Variants in GP5 observed in about 807,000 individuals in gnomAD.
The protein encoded by GP5 is glycoprotein V platelet.
For synonymous variants in GP5, 382 were observed against 353.9 expected, an observed-to-expected ratio of 1.08 and a Z score of -0.89; for missense variants, 755 against 737.1, an observed-to-expected ratio of 1.02 and a Z score of -0.28.
chr3:194,397,044 C>T lies in GP5; in HGVS notation c.1239G>A (p.Leu413=), dbSNP rs1714477585. The change falls in exon 2 of 2, where the codon CTG becomes CTA. Residue 413 remains leucine (L), a synonymous_variant. Coordinates refer to ENST00000692618, the MANE Select transcript of GP5 (RefSeq NM_004488.2). The surrounding 1 kb of genome is among the most constrained non-coding windows in gnomAD (Gnocchi z 7.2). ...AGTTGTGCCCCAACAGGACCTCCGT[C>T]AGCCGGGGCAGAGCCCCAAACACGT... ...PGDVFGALPR[L]TEVLLGHNSW... is the part of the protein sequence containing the mutation. 6.3e-7 allele frequency: 1 copy of T among 1,597,108 alleles called. No individual in the cohort carries two copies. The highest frequency in any genetic ancestry group is 1.3e-5 in the African/African-American group (1 of 74,880).
Position 194,397,110 on chromosome 3 carries a change from G to A in GP5, c.1173C>T (p.Ser391=). The A allele has an allele frequency of 6.3e-7, 1 of 1,591,440 alleles. No homozygotes were observed. Among genetic ancestry groups the A allele is most frequent in the Non-Finnish European group, 8.5e-7 (1 of 1,176,726 alleles). The change falls in exon 2 of 2, where the codon AGC becomes AGT. Residue 391 remains serine (S), a synonymous_variant. Coordinates refer to ENST00000692618, the MANE Select transcript of GP5 (RefSeq NM_004488.2). The surrounding 1 kb of genome is among the most constrained non-coding windows in gnomAD (Gnocchi z 7.2). ...ALFRNLSSLE[S]VQLDHNQLET... ...CCAGCTGGTTGTGGTCGAGCTGGAC[G>A]CTCTCCAGGCTGCTGAGATTGCGGA...
At chr3:194,399,168 C>T (rs933045135) in intron 1 of GP5, among the ~76,000 whole-genome samples, 70 bp downstream of exon 1, 2 of 152,204 alleles carry the variant, frequency 1.3e-5, no homozygotes, top group African/African-American at 4.8e-5. Context: ...TGCAATTTTA[C>T]TTCTCATGCA....
chr3:194,396,151 T>C lies in GP5; in HGVS notation c.*449A>G, dbSNP rs1039461893. 6.4e-6 allele frequency: 1 copy of C among 156,882 alleles called. No homozygotes were observed. Among genetic ancestry groups the C allele is most frequent in the Non-Finnish European group, 1.4e-5 (1 of 71,294 alleles). 9.7% of individuals were successfully genotyped at this position (156,882 alleles called of 1,614,324 possible). A position where few individuals can be genotyped will look rare whatever the true frequency, so the allele number is the denominator to read the frequency against. ...TATCCACGCATTGATTTCACAAACATTTACCGGCTTACTCTGTGCAGGAGA... is the reference window on the plus strand; with the variant it reads ...TATCCACGCATTGATTTCACAAACACTTACCGGCTTACTCTGTGCAGGAGA... On this transcript the variant is annotated 3_prime_UTR_variant, in exon 2 of 2. Transcript: ENST00000692618.
At chr3:194,399,141 A>G (rs559295767) in intron 1 of GP5, among the ~76,000 whole-genome samples, 97 bp downstream of exon 1, 8 of 152,358 alleles carry the variant, frequency 5.3e-5, no homozygotes, top group Admixed American at 2.6e-4. Flanking sequence ...GCGAAATTTT[A>G]CATAAATTGC....
In GP5 at chr3:194,395,657, T is replaced by C. The variant is rs1027877813; in HGVS notation, c.*943A>G. The C allele has an allele frequency of 5.9e-5, 9 of 152,228 alleles. No homozygotes were observed. Among genetic ancestry groups the C allele is most frequent in the African/African-American group, 2.2e-4 (9 of 41,430 alleles). The allele number at this position is 152,228 out of a possible 1,614,324, so 9.4% of individuals were successfully genotyped here. A position where few individuals can be genotyped will look rare whatever the true frequency, so the allele number is the denominator to read the frequency against. ...GTCCAGTGCTCTCCCAAGTAGCCCA[T>C]AGGTCAGAGAGACATAAAGTGAGAA... On this transcript the variant is annotated 3_prime_UTR_variant, in exon 2 of 2. Transcript: ENST00000692618.
At position 194,397,197 on chromosome 3, in the gene GP5, G is replaced by T; in HGVS notation, c.1086C>A (p.Leu362=). The T allele has an allele frequency of 6.4e-7, 1 of 1,570,820 alleles. No homozygotes were observed. ...GCAGGGACACCTGGCGCAGCTTGCCGAGGCCGCGCAGCAAGCCGTCGGGGA... is the reference window on the plus strand; with the variant it reads ...GCAGGGACACCTGGCGCAGCTTGCCTAGGCCGCGCAGCAAGCCGTCGGGGA... The part of the protein sequence containing the change: ...TALPDGLLRG[L]GKLRQVSLRR... Residue 362 remains leucine, a synonymous_variant, in exon 2 of 2, where the codon CTC becomes CTA. Transcript: ENST00000692618. The surrounding 1 kb of genome is among the most constrained non-coding windows in gnomAD (Gnocchi z 7.2).
At position 194,397,650 on chromosome 3, in the gene GP5, C is replaced by G. The variant is rs756816416; in HGVS notation, c.633G>C (p.Ser211=). The G allele has an allele frequency of 6.2e-6, 10 of 1,613,942 alleles. No homozygotes were observed. The African/African-American group carries it at 6.7e-5, about 11-fold the overall frequency. Residue 211 remains serine, a synonymous_variant, in exon 2 of 2, where the codon TCG becomes TCC. Coordinates refer to ENST00000692618, the MANE Select transcript of GP5 (RefSeq NM_004488.2). The surrounding 1 kb of genome is among the most constrained non-coding windows in gnomAD (Gnocchi z 7.2). ...LHSNRLVSLD[S]GLLNSLGALT... is the part of the protein sequence containing the mutation. ...GGGCGCCCAGGCTGTTCAACAGCCC[C>G]GAATCCAGAGACACAAGGCGGTTCG...
intron 1 of GP5, among the ~76,000 whole-genome samples, 59 bp downstream of exon 1, chr3:194,399,179 C>G (rs1714540644): frequency 6.6e-6 from 1 of 152,184 alleles, no homozygotes; most frequent in African/African-American, 2.4e-5. Context: ...TTCTCATGCA[C>G]ACACAGACTA....
At position 194,397,136 on chromosome 3, in the gene GP5, A is replaced by G. The variant is rs947593854; in HGVS notation, c.1147T>C (p.Phe383Leu). 1 of 1,588,638 alleles carries G rather than the reference A, an allele frequency of 6.3e-7. No homozygotes were observed. Among genetic ancestry groups the G allele is most frequent in the African/African-American group, 1.3e-5 (1 of 74,766 alleles). ...CTCTCCAGGCTGCTGAGATTGCGGA[A>G]GAGGGCACGGGGCAGGGCGCGCAGC... ...NRLRALPRALFRNLSSLESVQ... is the reference protein window; with the variant it reads ...NRLRALPRALLRNLSSLESVQ... Residue 383 changes from phenylalanine to leucine, a missense_variant, in exon 2 of 2, where the codon TTC becomes CTC. Coordinates refer to ENST00000692618, the MANE Select transcript of GP5 (RefSeq NM_004488.2). The surrounding 1 kb of genome is among the most constrained non-coding windows in gnomAD (Gnocchi z 7.2).
rs764998085 is a variant in GP5 at position 194,397,764 on chromosome 3, C to T, written c.519G>A (p.Lys173=). Residue 173 remains lysine (K), a synonymous_variant, in exon 2 of 2, where the codon AAG becomes AAA. Transcript: ENST00000692618. The surrounding 1 kb of genome is among the most constrained non-coding windows in gnomAD (Gnocchi z 7.2). ...ASLFTNLENL[K]LLDLSGNNLT... ...GGTTGTTTCCCGATAAATCCAACAA[C>T]TTCAGGTTCTCCAGATTCGTGAAGA... 33 of 1,613,894 alleles carry T rather than the reference C, an allele frequency of 2.0e-5. No individual in the cohort carries two copies. The highest frequency in any genetic ancestry group is 2.5e-5 in the Non-Finnish European group (30 of 1,179,970).
chr3:194,395,281 A>C lies in GP5; in HGVS notation c.*1319T>G, dbSNP rs1217963560. 6.6e-6 allele frequency: 1 copy of C among 152,226 alleles called. No homozygotes were observed. Among genetic ancestry groups the C allele is most frequent in the Non-Finnish European group, 1.5e-5 (1 of 68,036 alleles). 9.4% of individuals were successfully genotyped at this position (152,226 alleles called of 1,614,324 possible). The stretch of plus-strand genomic sequence containing the variant: ...GTTTTAACCACTGCCTCTCATAAGC[A>C]CAGACATTCAATTAAAGCAACAAAG... On this transcript the variant is annotated 3_prime_UTR_variant, in exon 2 of 2. Transcript: ENST00000692618.
At chr3:194,398,947 G>A (rs1714536133) in intron 1 of GP5, among the ~76,000 whole-genome samples, 1 of 152,122 alleles carries the variant, frequency 6.6e-6, no homozygotes, top group Non-Finnish European at 1.5e-5. Flanking sequence ...AAGGATGAAG[G>A]CACAGAGGCA....
At position 194,396,739 on chromosome 3, in the gene GP5, C is replaced by T; in HGVS notation, c.1544G>A (p.Gly515Asp). 6.2e-7 allele frequency: 1 copy of T among 1,614,128 alleles called. No individual in the cohort carries two copies. Among genetic ancestry groups the T allele is most frequent in the Non-Finnish European group, 8.5e-7 (1 of 1,179,978 alleles). The change falls in exon 2 of 2, where the codon GGT (glycine) becomes GAT (aspartate). Residue 515 changes from glycine (G) to aspartate (D), a missense_variant. Gly to Asp is a moderately conservative substitution (Grantham distance 94). Transcript: ENST00000692618. The stretch of plus-strand genomic sequence containing the variant: ...CCCCCAGAACGGACTATGATCTTGA[C>T]CTTTGCCCGTGGTCACCGGCTGGGC... ...VWAQPVTTGK[G>D]QDHSPFWGFY...
Position 194,397,041 on chromosome 3 carries a change from C to G in GP5, c.1242G>C (p.Thr414=). 5.0e-6 allele frequency: 8 copies of G among 1,597,370 alleles called. No homozygotes were observed. Among genetic ancestry groups the G allele is most frequent in the Non-Finnish European group, 6.8e-6 (8 of 1,178,694 alleles). Residue 414 remains threonine (T), a synonymous_variant, in exon 2 of 2, where the codon ACG becomes ACC. Transcript: ENST00000692618. This position sits in a 1 kb window ranked among gnomAD's most constrained non-coding sequence, Gnocchi z 7.2. ...GDVFGALPRL[T]EVLLGHNSWR... The stretch of plus-strand genomic sequence containing the variant: ...AGGAGTTGTGCCCCAACAGGACCTC[C>G]GTCAGCCGGGGCAGAGCCCCAAACA...
chr3:194,396,773 A>C lies in GP5; in HGVS notation c.1510T>G (p.Trp504Gly). ...PALAPNSSEPWVWAQPVTTGK... is the reference protein window; with the variant it reads ...PALAPNSSEPGVWAQPVTTGK... The stretch of plus-strand genomic sequence containing the variant: ...GTGGTCACCGGCTGGGCCCACACCC[A>C]GGGTTCTGAGCTGTTGGGAGCCAAG... Residue 504 changes from tryptophan (W) to glycine (G), a missense_variant, in exon 2 of 2, where the codon TGG becomes GGG. Trp to Gly is a radical substitution (Grantham distance 184). Coordinates refer to ENST00000692618, the MANE Select transcript of GP5 (RefSeq NM_004488.2). 6.2e-7 allele frequency: 1 copy of C among 1,613,904 alleles called. No individual in the cohort carries two copies. Among genetic ancestry groups the C allele is most frequent in the Non-Finnish European group, 8.5e-7 (1 of 1,179,892 alleles).
At position 194,397,893 on chromosome 3, in the gene GP5, G is replaced by C; in HGVS notation, c.390C>G (p.Asp130Glu). The change falls in exon 2 of 2, where the codon GAC becomes GAG. Residue 130 changes from aspartate (D) to glutamate (E), a missense_variant. Asp to Glu is a conservative substitution (Grantham distance 45). Coordinates refer to ENST00000692618, the MANE Select transcript of GP5 (RefSeq NM_004488.2). This position sits in a 1 kb window ranked among gnomAD's most constrained non-coding sequence, Gnocchi z 7.2. Reference protein sequence around the residue: ...KMVLLEQLFLDHNALRGIDQN... With the variant: ...KMVLLEQLFLEHNALRGIDQN... The stretch of plus-strand genomic sequence containing the variant: ...GGTCAATGCCCCTTAGCGCATTGTG[G>C]TCCAAAAACAACTGCTCCAGGAGCA... 1 of 1,614,152 alleles carries C rather than the reference G, an allele frequency of 6.2e-7. No homozygotes were observed. Among genetic ancestry groups the C allele is most frequent in the Non-Finnish European group, 8.5e-7 (1 of 1,179,978 alleles).
In GP5 at chr3:194,398,451, C is replaced by T. The variant is rs2185479; in HGVS notation, c.-2-167G>A. 4,096 of 650,900 alleles carry T rather than the reference C, an allele frequency of 6.3e-3. 126 individuals are homozygous for T. In the African/African-American group the frequency reaches 0.067, roughly 11 times the overall value. The allele number at this position is 650,900 out of a possible 1,614,324, so 40.3% of individuals were successfully genotyped here. On this transcript the variant is annotated intron_variant, in intron 1 of 1. Transcript: ENST00000692618. ...CCTACGTGGTGAAAAGACACTCATTCTACACTGCGTGGCCTCATGCTTTTG... is the reference window on the plus strand; with the variant it reads ...CCTACGTGGTGAAAAGACACTCATTTTACACTGCGTGGCCTCATGCTTTTG...
In GP5 at chr3:194,397,049, GGGGCAGAGCCCCAAACAC is replaced by G; in HGVS notation, c.1216_1233del (p.Val406_Pro411del). 1 of 1,597,080 alleles carries G rather than the reference GGGGCAGAGCCCCAAACAC, an allele frequency of 6.3e-7. No individual in the cohort carries two copies. The highest frequency in any genetic ancestry group is 8.5e-7 in the Non-Finnish European group (1 of 1,178,714). On this transcript the variant is annotated inframe_deletion, in exon 2 of 2. Coordinates refer to ENST00000692618, the MANE Select transcript of GP5 (RefSeq NM_004488.2). This position sits in a 1 kb window ranked among gnomAD's most constrained non-coding sequence, Gnocchi z 7.2. ...TGCCCCAACAGGACCTCCGTCAGCC[GGGGCAGAGCCCCAAACAC>G]GTCGCCAGGCAGGGTCTCCAGCTGG...
In GP5 at chr3:194,398,011, GGGGC is replaced by G; in HGVS notation, c.268_271del (p.Ala90ProfsTer7). The G allele has an allele frequency of 6.2e-7, 1 of 1,614,130 alleles. No individual in the cohort carries two copies. Among genetic ancestry groups the G allele is most frequent in the South Asian group, 1.1e-5 (1 of 91,086 alleles). On this transcript the variant is annotated frameshift_variant, in exon 2 of 2. Transcript: ENST00000692618. LOFTEE classifies it low-confidence loss of function (END_TRUNC). The stretch of plus-strand genomic sequence containing the variant: ...TTTTATCAGGTCACTGAAGGTGCCG[GGGGC>G]AACGGCGGAAATGTGGCTGTCGGAG...
Sources: gnomAD v4.1 joint callset for allele counts (sites outside exome capture counted in the v4.1 genomes callset) on GRCh38, gnomAD v4.1.1 for gene constraint, Gnocchi (gnomAD v3.1) non-coding constraint, MANE v1.5 for transcripts, NCBI Gene and HGNC (gene_info 2026-07-23, HGNC 2026-07-21) for gene names.